Variants in MTA3 observed in about 807,000 individuals in gnomAD.
The protein encoded by MTA3 is metastasis associated 1 family member 3, also known as metastasis-associated protein MTA3.
MTA3 carries 34 observed loss-of-function variants against 83.5 expected under a neutral mutation model. That is an observed-to-expected ratio of 0.41 (90% CI 0.31 to 0.54). MTA3 has a LOEUF of 0.54. Among genes scored for constraint, MTA3 ranks in the 20% least tolerant of loss-of-function variants. MTA3 has a pLI of 0.33. For synonymous variants in MTA3, 303 were observed against 252.7 expected, an observed-to-expected ratio of 1.20 and a Z score of -1.89; for missense variants, 761 against 726.4, an observed-to-expected ratio of 1.05 and a Z score of -0.55.
chr2:42,545,602 A>G (rs771093375), intron 2 of MTA3, among the ~76,000 whole-genome samples: 1 of 152,180 alleles, frequency 6.6e-6, no homozygotes, highest in African/African-American at 2.4e-5. Context: ...TCTTATGTGT[A>G]AAATAAGGGT....
In MTA3 at chr2:42,724,088, G is replaced by T. The variant is rs565707864; in HGVS notation, c.1759+1053G>T. Among the ~76,000 whole-genome samples, 35 of 152,196 alleles carry T rather than the reference G, an allele frequency of 2.3e-4. 1 individual carries two copies. In the South Asian group the frequency reaches 2.9e-3, roughly 13 times the overall value. On this transcript the variant is annotated intron_variant, in intron 16 of 16. Transcript: ENST00000405094. ...TGGCCATCCTTGACACAATATACCT[G>T]ATGTCTAGACAGCAGAAGGAGTGTA...
chr2:42,552,616 C>G (rs1283803835), intron 2 of MTA3, among the ~76,000 whole-genome samples: 2 of 146,534 alleles, frequency 1.4e-5, no homozygotes, highest in South Asian at 4.3e-4. Context: ...GGAAGAGACT[C>G]CTTGTCCAAA....
chr2:42,710,549 CAAAAAAAAAAAA>C (rs765315082), intron 14 of MTA3, among the ~76,000 whole-genome samples: 29 of 61,068 alleles, frequency 4.7e-4, no homozygotes, highest in East Asian at 2.2e-3. Context: ...AACTTCATCT[CAAAAAAAAAAAA>C]AAAAAAAAAA....
Position 42,708,879 on chromosome 2 carries a change from T to G in MTA3, c.1308T>G (p.Pro436=), listed in dbSNP as rs370837461. The change falls in exon 14 of 17, where the codon CCT becomes CCG. Residue 436 remains proline, a synonymous_variant. Coordinates refer to ENST00000405094, the MANE Select transcript of MTA3 (RefSeq NM_001330442.2). ...GTTGTTTTCTGATTTTGCAGGACCCTCGTGTTAGAAGTCACGTGTCCCGCC... is the reference window on the plus strand; with the variant it reads ...GTTGTTTTCTGATTTTGCAGGACCCGCGTGTTAGAAGTCACGTGTCCCGCC... ...KLSPSPTTED[P]RVRSHVSRQA... 2 of 1,613,804 alleles carry G rather than the reference T, an allele frequency of 1.2e-6. No individual in the cohort carries two copies. The highest frequency in any genetic ancestry group is 2.7e-5 in the African/African-American group (2 of 74,916).
Position 42,594,728 on chromosome 2 carries a change from A to ATATATATTTTTTT in MTA3, c.191-14729_191-14728insATATATTTTTTTT. 2.8e-3 allele frequency among the ~76,000 whole-genome samples: 67 copies of ATATATATTTTTTT among 24,034 alleles called. 3 individuals carry two copies. The highest frequency in any genetic ancestry group is 4.1e-3 in the South Asian group (1 of 242). 15.8% of individuals were successfully genotyped at this position (24,034 alleles called of 152,430 possible). A position where few individuals can be genotyped will look rare whatever the true frequency, so the allele number is the denominator to read the frequency against. On this transcript the variant is annotated intron_variant, in intron 3 of 16. Transcript: ENST00000405094. ...TACATATATATATATATATATATAT[A>ATATATATTTTTTT]TTTTTTTTTTTTTTTTGAGACAGAG...
In MTA3 at chr2:42,609,537, A is replaced by G. The variant is rs1308930165; in HGVS notation, c.270A>G (p.Glu90=). The G allele has an allele frequency of 2.5e-6, 4 of 1,613,416 alleles. No homozygotes were observed. Among genetic ancestry groups the G allele is most frequent in the Non-Finnish European group, 2.5e-6 (3 of 1,179,750 alleles). The change falls in exon 4 of 17, where the codon GAA becomes GAG. Residue 90 remains glutamate, a synonymous_variant. Coordinates refer to ENST00000405094, the MANE Select transcript of MTA3 (RefSeq NM_001330442.2). ...AGAAACATCAGTTGAAACATAGGGA[A>G]CTCTTTTTGTCACGCCAGTATGAAT... ...DKQKHQLKHR[E]LFLSRQYESL... is the part of the protein sequence containing the mutation.
chr2:42,655,238 C>T (rs769320118), intron 6 of MTA3, among the ~76,000 whole-genome samples: 4 of 152,162 alleles, frequency 2.6e-5, no homozygotes, highest in South Asian at 2.1e-4. Flanking sequence ...AAAGTCTCTT[C>T]GAAAAACATC....
At chr2:42,698,463 C>T (rs949019491) in intron 11 of MTA3, 2 of 151,614 alleles carry the variant, frequency 1.3e-5, no homozygotes, top group South Asian at 2.1e-4. Context: ...TGGGGAACCT[C>T]GTTTCTGCAA....
At chr2:42,570,619 G>A (rs1280723120) in intron 2 of MTA3, 115 bp downstream of exon 2, 2 of 535,004 alleles carry the variant, frequency 3.7e-6, no homozygotes, top group Non-Finnish European at 6.3e-6. Context: ...CAGTAAATTG[G>A]GAGGCCTGGC....
At chr2:42,707,668 T>A (rs1003696565) in intron 12 of MTA3, among the ~76,000 whole-genome samples, 11 of 152,192 alleles carry the variant, frequency 7.2e-5, no homozygotes, top group African/African-American at 2.2e-4. Context: ...ACAGGATGCT[T>A]CACTGAATAG....
intron 2 of MTA3, among the ~76,000 whole-genome samples, chr2:42,572,192 T>C (rs1024528140): frequency 1.4e-4 from 21 of 151,612 alleles, no homozygotes; most frequent in African/African-American, 5.1e-4. Flanking sequence ...GGCAGGAGAA[T>C]GGGGTGAACC....
At chr2:42,589,608 A>G (rs754283741) in intron 3 of MTA3, among the ~76,000 whole-genome samples, 2 of 152,142 alleles carry the variant, frequency 1.3e-5, no homozygotes, top group African/African-American at 4.8e-5. Context: ...GCTGGCGTGC[A>G]GTGGTGCCAT....
At chr2:42,630,216 C>T (rs1240802011) in intron 4 of MTA3, among the ~76,000 whole-genome samples, 1 of 152,192 alleles carries the variant, frequency 6.6e-6, no homozygotes, top group Non-Finnish European at 1.5e-5. Context: ...TGCTACATTA[C>T]TTTCAATAGC....
In MTA3 at chr2:42,739,745, CAACT is replaced by C. The variant is rs201131282; in HGVS notation, c.1760-13626_1760-13623del. On this transcript the variant is annotated intron_variant, in intron 16 of 16. Coordinates refer to ENST00000405094, the MANE Select transcript of MTA3 (RefSeq NM_001330442.2). ...CTCTCAAACTCTGCTGCTGCTTTAC[CAACT>C]AAGTTTATGTAATATTCTAAGTCCT... Among the ~76,000 whole-genome samples the C allele has an allele frequency of 4.7e-3, 723 of 152,304 alleles. 10 individuals carry two copies. Among genetic ancestry groups the C allele is most frequent in the African/African-American group, 0.017 (692 of 41,576 alleles).
intron 2 of MTA3, among the ~76,000 whole-genome samples, chr2:42,549,410 ATATATAT>A: frequency 8.6e-6 from 1 of 116,446 alleles, no homozygotes; most frequent in South Asian, 2.3e-4. Context: ...TACGTATATA[ATATATAT>A]TATATAATAT....
intron 2 of MTA3, among the ~76,000 whole-genome samples, chr2:42,509,750 G>A (rs998039344): frequency 7.2e-5 from 11 of 152,010 alleles, no homozygotes; most frequent in Middle Eastern, 3.4e-3. Context: ...TAGTCTGGGC[G>A]ACACAGTGAG....
intron 2 of MTA3, among the ~76,000 whole-genome samples, chr2:42,502,827 G>A (rs1674457116): frequency 7.1e-6 from 1 of 139,944 alleles, no homozygotes; most frequent in Non-Finnish European, 1.5e-5. Context: ...GCCGGGCATG[G>A]TGGCAGCCGC....
intron 3 of MTA3, among the ~76,000 whole-genome samples, chr2:42,594,244 CT>C (rs143512619): frequency 0.24 from 27,234 of 114,670 alleles, 3,373 homozygotes; most frequent in East Asian, 0.39. Context: ...CGCCAGGCCC[CT>C]TTTTTTTTTT....
Position 42,600,849 on chromosome 2 carries a change from C to A in MTA3, c.191-8609C>A, listed in dbSNP as rs575665190. Among the ~76,000 whole-genome samples, 3 of 151,938 alleles carry A rather than the reference C, an allele frequency of 2.0e-5. No homozygotes were observed. In the South Asian group the frequency reaches 6.2e-4, roughly 32 times the overall value. On this transcript the variant is annotated intron_variant, in intron 3 of 16. Coordinates refer to ENST00000405094, the MANE Select transcript of MTA3 (RefSeq NM_001330442.2). ...AGCCACTGTGATTAGCTCAATGGTT[C>A]ATTTCTTTTACATCTTTTATTTGCT...
Sources: allele counts gnomAD v4.1 joint callset (sites outside exome capture counted in the v4.1 genomes callset), GRCh38; gene constraint gnomAD v4.1.1; transcripts MANE v1.5; gene names NCBI Gene and HGNC (gene_info 2026-07-23, HGNC 2026-07-21).